C4orf54: variants seen among roughly 807,000 people sequenced by gnomAD.
C4orf54 encodes uncharacterized protein C4orf54.
A neutral mutation model predicts 80.1 loss-of-function variants in C4orf54; 67 were observed. The ratio of observed to expected loss-of-function variants is 0.84; its 90% CI spans 0.69 to 1.03. The LOEUF (loss-of-function observed/expected upper bound fraction) is 1.03, where lower values mean the gene tolerates loss of function less well. Ranked by LOEUF, C4orf54 falls within the 50% of genes least tolerant of loss-of-function variation. The probability of loss-of-function intolerance (pLI) is 0.00; values close to 1 mark genes in which losing one functional copy is unlikely to be tolerated. For missense variants in C4orf54, 2,434 were observed against 2,253.5 expected (o/e 1.08, Z -1.62); for synonymous variants, 1,000 against 917.0 (o/e 1.09, Z -1.64).
Position 99,637,192 on chromosome 4 carries a change from A to G in C4orf54, c.*4041T>C, listed in dbSNP as rs907809088. 2.6e-5 allele frequency: 4 copies of G among 152,248 alleles called. No individual in the cohort carries two copies. Among genetic ancestry groups the G allele is most frequent in the Admixed American group, 2.0e-4 (3 of 15,282 alleles). The allele number at this position is 152,248 out of a possible 1,614,324, so 9.4% of individuals were successfully genotyped here. A position where few individuals can be genotyped will look rare whatever the true frequency, so the allele number is the denominator to read the frequency against. On this transcript the variant is annotated 3_prime_UTR_variant, in exon 3 of 3. Coordinates refer to ENST00000511828, the MANE Select transcript of C4orf54 (RefSeq NM_001354435.2). ...AGCAATTATGAAACTTAAAAAAAGA[A>G]AAAGAAATCAAATCAGATGTGTGTG... is the stretch of plus-strand genomic sequence containing the variant.
chr4:99,644,668 C>T (rs889448846), intron 2 of C4orf54, among the ~76,000 whole-genome samples: 20 of 151,682 alleles, frequency 1.3e-4, no homozygotes, highest in South Asian at 2.1e-4. Flanking sequence ...CCAAGTACAA[C>T]GCTTCAAGAA....
At chr4:99,641,447 T>C (rs1214108982) in intron 2 of C4orf54, among the ~76,000 whole-genome samples, 1 of 152,148 alleles carries the variant, frequency 6.6e-6, no homozygotes. Context: ...AATCAACTCT[T>C]CAAAAATGAC....
At position 99,654,238 on chromosome 4, in the gene C4orf54, C is replaced by T. The variant is rs1260688079; in HGVS notation, c.411G>A (p.Leu137=). The T allele has an allele frequency of 4.6e-6, 7 of 1,536,162 alleles. No homozygotes were observed. Among genetic ancestry groups the T allele is most frequent in the Non-Finnish European group, 6.1e-6 (7 of 1,146,906 alleles). The part of the protein sequence containing the change: ...PSDHHCLFLS[L]KPGQGLIMEA... ...CCATTATGAGCCCTTGCCCAGGTTT[C>T]AGCGACAGGAAGAGACAATGGTGAT... Residue 137 remains leucine, a synonymous_variant, in exon 2 of 3, where the codon CTG becomes CTA. Coordinates refer to ENST00000511828, the MANE Select transcript of C4orf54 (RefSeq NM_001354435.2).
chr4:99,643,247 T>G (rs1426731930), intron 2 of C4orf54, among the ~76,000 whole-genome samples: 1 of 152,214 alleles, frequency 6.6e-6, no homozygotes, highest in Non-Finnish European at 1.5e-5. Context: ...CAGTCTTCAC[T>G]ACTCTCCTGA....
intron 2 of C4orf54, among the ~76,000 whole-genome samples, chr4:99,647,845 A>T (rs190284134): frequency 6.6e-6 from 1 of 152,214 alleles, no homozygotes; most frequent in Non-Finnish European, 1.5e-5. Context: ...AATGCTAAAA[A>T]GTTTGTCATG....
Position 99,652,047 on chromosome 4 carries a change from G to C in C4orf54, c.2602C>G (p.Arg868Gly), listed in dbSNP as rs777667536. ...TACTCGGAGCCGGCCTCGGAGTGAC[G>C]AGAGCTCTGCCTCTGCAGGCCCCTC... The part of the protein sequence containing the change: ...RERGLQRQSS[R>G]HSEAGSEYTV... The change falls in exon 2 of 3, where the codon CGT becomes GGT. Residue 868 changes from arginine to glycine, a missense_variant. Coordinates refer to ENST00000511828, the MANE Select transcript of C4orf54 (RefSeq NM_001354435.2). The C allele has an allele frequency of 2.0e-6, 3 of 1,536,080 alleles. No individual in the cohort carries two copies. The highest frequency in any genetic ancestry group is 2.4e-5 in the East Asian group (1 of 40,902).
rs887728793 is a variant in C4orf54 at position 99,654,496 on chromosome 4, C to T, written c.153G>A (p.Ser51=). The T allele has an allele frequency of 5.7e-6, 4 of 704,024 alleles. No homozygotes were observed. Among genetic ancestry groups the T allele is most frequent in the East Asian group, 2.7e-5 (1 of 37,298 alleles). The allele number at this position is 704,024 out of a possible 1,614,324, so 43.6% of individuals were successfully genotyped here. Residue 51 remains serine, a synonymous_variant, in exon 2 of 3, where the codon TCG becomes TCA. Coordinates refer to ENST00000511828, the MANE Select transcript of C4orf54 (RefSeq NM_001354435.2). The part of the protein sequence containing the change: ...QLSYRTLATV[S]AGAAAPQPQT... ...GTGGCTGGGGGGCTGCTGCTCCGGC[C>T]GAGACTGTGGCCAGTGTTCTGTAGC...
chr4:99,648,634 A>G (rs1338789196), intron 2 of C4orf54, among the ~76,000 whole-genome samples: 1 of 152,006 alleles, frequency 6.6e-6, no homozygotes, highest in African/African-American at 2.4e-5. Context: ...TGTTCTGATT[A>G]TCTGAAAACT....
In C4orf54 at chr4:99,652,294, G is replaced by T. The variant is rs1457768051; in HGVS notation, c.2355C>A (p.Asp785Glu). The T allele has an allele frequency of 2.0e-6, 3 of 1,535,918 alleles. No homozygotes were observed. Among genetic ancestry groups the T allele is most frequent in the Non-Finnish European group, 1.7e-6 (2 of 1,146,806 alleles). Residue 785 changes from aspartate (D) to glutamate (E), a missense_variant, in exon 2 of 3, where the codon GAC becomes GAA. Physicochemically the swap from Asp to Glu is conservative, Grantham distance 45 (BLOSUM62 2). Coordinates refer to ENST00000511828, the MANE Select transcript of C4orf54 (RefSeq NM_001354435.2). The part of the protein sequence containing the change: ...PGKGPGSAYT[D>E]DGSETSEGSK... ...TGCCCTCGGAGGTCTCGGAGCCGTC[G>T]TCCGTGTATGCCGACCCGGGACCCT...
At position 99,649,981 on chromosome 4, in the gene C4orf54, G is replaced by T. The variant is rs1382483436; in HGVS notation, c.4668C>A (p.Pro1556=). ...GCGGCGGCTGGTGGTAGATGGTGGT[G>T]GGGGGATGCTCGGGGCTCTGTGGCC... ...PPGPQSPEHP[P]TTIYHQPPLP... is the part of the protein sequence containing the mutation. Residue 1556 remains proline (P), a synonymous_variant, in exon 2 of 3, where the codon CCC becomes CCA. Coordinates refer to ENST00000511828, the MANE Select transcript of C4orf54 (RefSeq NM_001354435.2). The T allele has an allele frequency of 6.5e-7, 1 of 1,535,132 alleles. No individual in the cohort carries two copies. The highest frequency in any genetic ancestry group is 8.7e-7 in the Non-Finnish European group (1 of 1,146,366).
At chr4:99,643,154 T>TGAA (rs1164525005) in intron 2 of C4orf54, among the ~76,000 whole-genome samples, 1 of 152,206 alleles carries the variant, frequency 6.6e-6, no homozygotes, top group Non-Finnish European at 1.5e-5. Flanking sequence ...GAGGCATTTA[T>TGAA]GAGGATCTAG....
chr4:99,644,126 A>G (rs1375262634), intron 2 of C4orf54, among the ~76,000 whole-genome samples: 2 of 152,170 alleles, frequency 1.3e-5, no homozygotes, highest in Non-Finnish European at 2.9e-5. Context: ...CTATAAGAGC[A>G]CGGGCCACGG....
At position 99,652,203 on chromosome 4, in the gene C4orf54, C is replaced by T; in HGVS notation, c.2446G>A (p.Val816Ile). 2.0e-6 allele frequency: 3 copies of T among 1,536,018 alleles called. No homozygotes were observed. The highest frequency in any genetic ancestry group is 2.6e-6 in the Non-Finnish European group (3 of 1,146,876). ...SKFASSLLKNVISKKMQREHE... is the reference protein window; with the variant it reads ...SKFASSLLKNIISKKMQREHE... ...TCCCGCTGCATCTTCTTGGAAATGA[C>T]ATTTTTGAGCAGACTGGAGGCGAAC... is the stretch of plus-strand genomic sequence containing the variant. Residue 816 changes from valine to isoleucine, a missense_variant, in exon 2 of 3, where the codon GTC becomes ATC. By Grantham distance (29) the Val-to-Ile change is conservative (BLOSUM62 3). Coordinates refer to ENST00000511828, the MANE Select transcript of C4orf54 (RefSeq NM_001354435.2).
chr4:99,651,768 T>C lies in C4orf54; in HGVS notation c.2881A>G (p.Ile961Val), dbSNP rs1310232272. Reference protein sequence around the residue: ...EAEKREEQAPIGKLKLPKGGD... With the variant: ...EAEKREEQAPVGKLKLPKGGD... ...CCTTTGGGCAGCTTCAGCTTCCCTA[T>C]AGGGGCTTGTTCCTCCCTCTTCTCG... Residue 961 changes from isoleucine to valine, a missense_variant, in exon 2 of 3, where the codon ATA becomes GTA. Coordinates refer to ENST00000511828, the MANE Select transcript of C4orf54 (RefSeq NM_001354435.2). The C allele has an allele frequency of 3.9e-6, 6 of 1,535,970 alleles. No individual in the cohort carries two copies. Among genetic ancestry groups the C allele is most frequent in the South Asian group, 2.4e-5 (2 of 84,052 alleles).
In C4orf54 at chr4:99,649,375, C is replaced by A; in HGVS notation, c.5274G>T (p.Leu1758=). Residue 1758 remains leucine (L), a synonymous_variant, in exon 2 of 3, where the codon CTG becomes CTT. Coordinates refer to ENST00000511828, the MANE Select transcript of C4orf54 (RefSeq NM_001354435.2). ...TAATGCTGATGACAGGCTTGCCATG[C>A]AGCTGGGCAAAGGCCTTGGCCCCTA... ...QLLGAKAFAQ[L]HGKPVISITS... The A allele has an allele frequency of 6.5e-7, 1 of 1,536,116 alleles. No homozygotes were observed. The highest frequency in any genetic ancestry group is 2.4e-5 in the East Asian group (1 of 40,906).
At chr4:99,643,810 A>T (rs544048064) in intron 2 of C4orf54, among the ~76,000 whole-genome samples, 1 of 132,958 alleles carries the variant, frequency 7.5e-6, no homozygotes, top group Non-Finnish European at 1.7e-5. Context: ...CGCGGCAGTA[A>T]AACGGCCAGA....
At chr4:99,646,975 T>C (rs950468878) in intron 2 of C4orf54, among the ~76,000 whole-genome samples, 1 of 152,248 alleles carries the variant, frequency 6.6e-6, no homozygotes, top group Non-Finnish European at 1.5e-5. Context: ...TATTTCAATT[T>C]GGCTAAGTCA....
intron 1 of C4orf54, among the ~76,000 whole-genome samples, chr4:99,657,294 T>C (rs572647465): frequency 6.6e-6 from 1 of 152,352 alleles, no homozygotes. Context: ...TGACAACAGA[T>C]TTCAGCTGAG....
rs1208623880 is a variant in C4orf54, at chr4:99,650,781, C to T, written c.3868G>A (p.Val1290Met). 2.0e-6 allele frequency: 3 copies of T among 1,536,056 alleles called. No individual in the cohort carries two copies. Among genetic ancestry groups the T allele is most frequent in the African/African-American group, 1.4e-5 (1 of 73,044 alleles). ...TCCTCACTGGCAATGAGCGACAGCA[C>T]GTGGCTGTCCATCATCATAGGCAAG... ...DPLPMMMDSHVLSLIASEERE... is the reference protein window; with the variant it reads ...DPLPMMMDSHMLSLIASEERE... Residue 1290 changes from valine (V) to methionine (M), a missense_variant, in exon 2 of 3, where the codon GTG (valine) becomes ATG (methionine). Physicochemically the swap from Val to Met is conservative, Grantham distance 21. Transcript: ENST00000511828.
Sources: allele counts gnomAD v4.1 joint callset (sites outside exome capture counted in the v4.1 genomes callset), GRCh38; gene constraint gnomAD v4.1.1; transcripts MANE v1.5; gene names NCBI Gene and HGNC (gene_info 2026-07-23, HGNC 2026-07-21).